TENT5C: variants seen among roughly 807,000 people sequenced by gnomAD.
TENT5C encodes terminal nucleotidyltransferase 5C.
Under a neutral mutation model 22.2 loss-of-function variants are expected in TENT5C, and 5 were observed. The ratio of observed to expected loss-of-function variants is 0.22; its 90% CI spans 0.12 to 0.47. TENT5C has a LOEUF of 0.47. Among genes scored for constraint, TENT5C ranks in the 20% least tolerant of loss-of-function variants. TENT5C has a pLI of 0.99. For missense variants in TENT5C, 364 were observed against 500.9 expected (o/e 0.73, Z 2.61); for synonymous variants, 199 against 195.4 (o/e 1.02, Z -0.15).
chr1:117,614,284 C>T (rs534595834), intron 1 of TENT5C, among the ~76,000 whole-genome samples: 2 of 152,322 alleles, frequency 1.3e-5, no homozygotes, highest in East Asian at 3.9e-4. Context: ...AGGCCATATC[C>T]ATGTTGACCC....
intron 1 of TENT5C, among the ~76,000 whole-genome samples, chr1:117,612,550 A>G (rs1383817450): frequency 6.6e-6 from 1 of 152,232 alleles, no homozygotes; most frequent in Admixed American, 6.5e-5. Context: ...CTGTCTGGTG[A>G]CAGCACATTA....
In TENT5C at chr1:117,625,019, A is replaced by T; in HGVS notation, c.*975A>T. The T allele has an allele frequency of 4.0e-6, 1 of 247,990 alleles. No homozygotes were observed. Among genetic ancestry groups the T allele is most frequent in the African/African-American group, 2.2e-5 (1 of 45,434 alleles). 15.4% of individuals were successfully genotyped at this position (247,990 alleles called of 1,614,324 possible). A position where few individuals can be genotyped will look rare whatever the true frequency, so the allele number is the denominator to read the frequency against. ...GACATGAGGGTCTTCCCATGTTTTA[A>T]CTGGAAACCCACTTTGGTCACATTC... On this transcript the variant is annotated 3_prime_UTR_variant, in exon 2 of 2. Transcript: ENST00000369448.
Position 117,624,724 on chromosome 1 carries a change from G to A in TENT5C, c.*680G>A, listed in dbSNP as rs1424418122. 8.1e-6 allele frequency: 2 copies of A among 247,032 alleles called. No homozygotes were observed. The highest frequency in any genetic ancestry group is 1.7e-5 in the Non-Finnish European group (2 of 117,878). The allele number at this position is 247,032 out of a possible 1,614,324, so 15.3% of individuals were successfully genotyped here. A position where few individuals can be genotyped will look rare whatever the true frequency, so the allele number is the denominator to read the frequency against. On this transcript the variant is annotated 3_prime_UTR_variant, in exon 2 of 2. Coordinates refer to ENST00000369448, the MANE Select transcript of TENT5C (RefSeq NM_017709.4). ...TGAGGAATTGCGAGATATTGCTGAGGGGAAAAAAAAATGACCTTTTCTTGA... is the reference window on the plus strand; with the variant it reads ...TGAGGAATTGCGAGATATTGCTGAGAGGAAAAAAAAATGACCTTTTCTTGA...
intron 1 of TENT5C, among the ~76,000 whole-genome samples, chr1:117,619,905 A>G (rs895891901): frequency 1.3e-5 from 2 of 152,112 alleles, no homozygotes; most frequent in African/African-American, 4.8e-5. Context: ...TGTTTCAATT[A>G]TTGTGGTTTT....
chr1:117,621,351 A>G (rs1570862958), intron 1 of TENT5C, among the ~76,000 whole-genome samples: 2 of 151,870 alleles, frequency 1.3e-5, no homozygotes, highest in East Asian at 3.9e-4. Context: ...CTTCCTGTTC[A>G]CCCCAACCAG....
intron 1 of TENT5C, among the ~76,000 whole-genome samples, chr1:117,618,646 G>A (rs1653835544): frequency 6.6e-6 from 1 of 152,128 alleles, no homozygotes; most frequent in Non-Finnish European, 1.5e-5. Flanking sequence ...AAGGCAGCAG[G>A]TGAATAGAAG....
Position 117,620,427 on chromosome 1 carries a change from C to T in TENT5C, c.-27-2415C>T, listed in dbSNP as rs192472906. ...TTGAAAGCACAACAGGTGATTCACA[C>T]TAGCAAGTGAGTTGTATTTCTTCAG... On this transcript the variant is annotated intron_variant, in intron 1 of 1. Coordinates refer to ENST00000369448, the MANE Select transcript of TENT5C (RefSeq NM_017709.4). Among the ~76,000 whole-genome samples, 7 of 152,322 alleles carry T rather than the reference C, an allele frequency of 4.6e-5. No individual in the cohort carries two copies. In the East Asian group the frequency reaches 1.3e-3, roughly 29 times the overall value.
At chr1:117,613,998 A>G (rs1653723767) in intron 1 of TENT5C, among the ~76,000 whole-genome samples, 1 of 152,170 alleles carries the variant, frequency 6.6e-6, no homozygotes, top group African/African-American at 2.4e-5. Context: ...GTAAAGCATT[A>G]TTTTATCTGT....
At chr1:117,611,293 GCTC>G (rs1337057092) in intron 1 of TENT5C, among the ~76,000 whole-genome samples, 1 of 152,180 alleles carries the variant, frequency 6.6e-6, no homozygotes, top group Non-Finnish European at 1.5e-5. Context: ...CTAGAGGCTT[GCTC>G]ACAGCTGCTC....
chr1:117,627,077 T>C lies in TENT5C; in HGVS notation c.*3033T>C. The C allele has an allele frequency of 4.0e-6, 1 of 248,160 alleles. No homozygotes were observed. The allele number at this position is 248,160 out of a possible 1,614,324, so 15.4% of individuals were successfully genotyped here. On this transcript the variant is annotated 3_prime_UTR_variant, in exon 2 of 2. Coordinates refer to ENST00000369448, the MANE Select transcript of TENT5C (RefSeq NM_017709.4). Reference sequence around the variant, plus strand: ...AATGCCTTCCAATCAGAGTTCCTGATGGGGATGCCTGTGGGATGGCCCACA... The same window carrying C: ...AATGCCTTCCAATCAGAGTTCCTGACGGGGATGCCTGTGGGATGGCCCACA...
At chr1:117,609,316 A>T (rs1208953388) in intron 1 of TENT5C, among the ~76,000 whole-genome samples, 2 of 152,350 alleles carry the variant, frequency 1.3e-5, no homozygotes, top group Non-Finnish European at 2.9e-5. Flanking sequence ...AATTGTTCAG[A>T]ATTAATAGAT....
chr1:117,615,900 G>C (rs1470822220), intron 1 of TENT5C, among the ~76,000 whole-genome samples: 2 of 152,206 alleles, frequency 1.3e-5, no homozygotes, highest in Non-Finnish European at 2.9e-5. Context: ...GAAAGACTAG[G>C]TCTCACGGTT....
In TENT5C at chr1:117,624,432, T is replaced by A. The variant is rs1202423555; in HGVS notation, c.*388T>A. 7.5e-6 allele frequency: 2 copies of A among 265,908 alleles called. No individual in the cohort carries two copies. Among genetic ancestry groups the A allele is most frequent in the Non-Finnish European group, 1.5e-5 (2 of 130,238 alleles). 16.5% of individuals were successfully genotyped at this position (265,908 alleles called of 1,614,324 possible). A position where few individuals can be genotyped will look rare whatever the true frequency, so the allele number is the denominator to read the frequency against. ...ACTTGTTTTCTCACTTGAGCCCGGG[T>A]AGGCTGTGTTGGCCCTCACTTGGGA... On this transcript the variant is annotated 3_prime_UTR_variant, in exon 2 of 2. Transcript: ENST00000369448.
chr1:117,621,255 C>T (rs911264694), intron 1 of TENT5C, among the ~76,000 whole-genome samples: 2 of 152,198 alleles, frequency 1.3e-5, no homozygotes, highest in African/African-American at 2.4e-5. Flanking sequence ...ACTCAGCCCG[C>T]TGCTTTCTGC....
chr1:117,623,371 A>C lies in TENT5C; in HGVS notation c.503A>C (p.Lys168Thr). 1 of 1,614,128 alleles carries C rather than the reference A, an allele frequency of 6.2e-7. No homozygotes were observed. The highest frequency in any genetic ancestry group is 8.5e-7 in the Non-Finnish European group (1 of 1,180,032). ...SNKNGKNVEL[K>T]FVDSIRRQFE... ...AAGAACGGGAAGAACGTGGAGCTGAAGTTTGTCGACTCCATTCGGCGTCAG... is the reference window on the plus strand; with the variant it reads ...AAGAACGGGAAGAACGTGGAGCTGACGTTTGTCGACTCCATTCGGCGTCAG... Residue 168 changes from lysine to threonine, a missense_variant, in exon 2 of 2, where the codon AAG becomes ACG. Lys to Thr is a moderately conservative substitution (Grantham distance 78, BLOSUM62 -1). This residue lies in a region of TENT5C where 303 missense variants were observed against 394.5 expected (regional missense o/e 0.77). Coordinates refer to ENST00000369448, the MANE Select transcript of TENT5C (RefSeq NM_017709.4).
intron 1 of TENT5C, among the ~76,000 whole-genome samples, chr1:117,621,587 G>A (rs1653896291): frequency 6.6e-6 from 1 of 152,130 alleles, no homozygotes; most frequent in Non-Finnish European, 1.5e-5. Flanking sequence ...AACCCCAGGA[G>A]AATGCATGCC....
In TENT5C at chr1:117,624,254, A is replaced by G; in HGVS notation, c.*210A>G. 1 of 554,390 alleles carries G rather than the reference A, an allele frequency of 1.8e-6. No homozygotes were observed. The highest frequency in any genetic ancestry group is 3.2e-6 in the Non-Finnish European group (1 of 310,180). 34.3% of individuals were successfully genotyped at this position (554,390 alleles called of 1,614,324 possible). Reference sequence around the variant, plus strand: ...CTCAAAGGACCCGTATTACAGTGCCACGTTGGAAAACGCTACAGGAAGCAT... The same window carrying G: ...CTCAAAGGACCCGTATTACAGTGCCGCGTTGGAAAACGCTACAGGAAGCAT... On this transcript the variant is annotated 3_prime_UTR_variant, in exon 2 of 2. Coordinates refer to ENST00000369448, the MANE Select transcript of TENT5C (RefSeq NM_017709.4).
intron 1 of TENT5C, among the ~76,000 whole-genome samples, chr1:117,611,873 AGT>A (rs1653677028): frequency 6.6e-6 from 1 of 152,206 alleles, no homozygotes; most frequent in Non-Finnish European, 1.5e-5. Context: ...CATTTTAATA[AGT>A]GTATTTAATC....
In TENT5C at chr1:117,627,164, A is replaced by T. The variant is rs943174763; in HGVS notation, c.*3120A>T. On this transcript the variant is annotated 3_prime_UTR_variant, in exon 2 of 2. Coordinates refer to ENST00000369448, the MANE Select transcript of TENT5C (RefSeq NM_017709.4). ...GAAGATGATGCTTAGTTCCTGATAGATGCTACAGATGTAGTTTGGCATTTC... is the reference window on the plus strand; with the variant it reads ...GAAGATGATGCTTAGTTCCTGATAGTTGCTACAGATGTAGTTTGGCATTTC... 4.0e-5 allele frequency: 10 copies of T among 248,084 alleles called. No homozygotes were observed. The highest frequency in any genetic ancestry group is 2.2e-4 in the African/African-American group (10 of 45,370). 15.4% of individuals were successfully genotyped at this position (248,084 alleles called of 1,614,324 possible).
Sources: allele counts gnomAD v4.1 joint callset (sites outside exome capture counted in the v4.1 genomes callset), GRCh38; gene constraint gnomAD v4.1.1; regional missense constraint gnomAD v4.1.1; transcripts MANE v1.5; gene names NCBI Gene and HGNC (gene_info 2026-07-23, HGNC 2026-07-21).